The following LRRC9 variants were observed in gnomAD, a reference collection of about 807,000 sequenced individuals.
The protein encoded by LRRC9 is leucine rich repeat containing 9.
A neutral mutation model predicts 63.2 loss-of-function variants in LRRC9; 122 were observed. That is an observed-to-expected ratio of 1.93 (90% CI 1.67 to 2.24). The LOEUF is 2.24. Ranked by LOEUF, LRRC9 falls within the 30% of genes most tolerant of loss-of-function variation. The pLI is 0.00. For missense variants in LRRC9, 1,071 were observed against 627.7 expected, an observed-to-expected ratio of 1.71 and a Z score of -7.55; for synonymous variants, 366 against 213.1, an observed-to-expected ratio of 1.72 and a Z score of -6.25.
At chr14:60,039,773 CTCTTA>C (rs1309012004) in intron 29 of LRRC9, among the ~76,000 whole-genome samples, 2 of 152,136 alleles carry the variant, frequency 1.3e-5, no homozygotes, top group Non-Finnish European at 2.9e-5. Flanking sequence ...TTCATTTCTG[CTCTTA>C]TCTTAGTTAT....
At chr14:59,979,051 C>G (rs1886624597) in intron 15 of LRRC9, among the ~76,000 whole-genome samples, 1 of 152,092 alleles carries the variant, frequency 6.6e-6, no homozygotes, top group Non-Finnish European at 1.5e-5. Context: ...TGACCATTTT[C>G]TATTAAACTC....
chr14:59,934,553 T>A (rs566026669), intron 6 of LRRC9, among the ~76,000 whole-genome samples: 2 of 152,252 alleles, frequency 1.3e-5, no homozygotes, highest in South Asian at 4.1e-4. Flanking sequence ...AGGGATCAGA[T>A]TAAACATGTG....
chr14:59,965,946 G>A (rs1884816693), intron 10 of LRRC9, among the ~76,000 whole-genome samples: 1 of 134,990 alleles, frequency 7.4e-6, no homozygotes, highest in African/African-American at 2.8e-5. Context: ...GAAAGGAGAG[G>A]ATTATTCCTA....
At chr14:60,005,107 A>T (rs1424514982) in intron 21 of LRRC9, among the ~76,000 whole-genome samples, 4 of 152,130 alleles carry the variant, frequency 2.6e-5, no homozygotes, top group East Asian at 1.9e-4. Context: ...TATATATATA[A>T]AAGCAAGTAT....
chr14:59,959,508 G>T (rs1305300786), intron 8 of LRRC9, among the ~76,000 whole-genome samples: 2 of 152,050 alleles, frequency 1.3e-5, no homozygotes, highest in Non-Finnish European at 2.9e-5. Context: ...TTTAATAGAG[G>T]CGAACTTATT....
chr14:60,023,502 G>A (rs1891277187), intron 27 of LRRC9, among the ~76,000 whole-genome samples: 1 of 150,752 alleles, frequency 6.6e-6, no homozygotes, highest in South Asian at 2.1e-4. Flanking sequence ...GACTTGAAAA[G>A]GGAACAACCT....
intron 31 of LRRC9, chr14:60,059,048 A>T (rs2081212321): frequency 6.6e-6 from 1 of 152,098 alleles, no homozygotes; most frequent in African/African-American, 2.4e-5. Flanking sequence ...ATCTTTTTAT[A>T]TTTTTTTATT....
chr14:59,998,314 C>T (rs1889011449), intron 18 of LRRC9, among the ~76,000 whole-genome samples: 1 of 152,002 alleles, frequency 6.6e-6, no homozygotes, highest in South Asian at 2.1e-4. Context: ...GCATTATTCA[C>T]TACTTGTTTT....
chr14:59,971,476 G>A (rs1244010691), intron 12 of LRRC9, among the ~76,000 whole-genome samples: 1 of 152,128 alleles, frequency 6.6e-6, no homozygotes, highest in Non-Finnish European at 1.5e-5. Context: ...GAATGTCACT[G>A]TTAGTTTGAT....
rs747908247 is a variant in LRRC9 at position 60,027,967 on chromosome 14, T to C, written c.3787T>C (p.Phe1263Leu). The C allele has an allele frequency of 5.7e-6, 4 of 701,906 alleles. No individual in the cohort carries two copies. The highest frequency in any genetic ancestry group is 2.3e-4 in the Middle Eastern group (1 of 4,350). The allele number at this position is 701,906 out of a possible 1,614,324, so 43.5% of individuals were successfully genotyped here. ...AGTGGACCATAACCGCATCCGATCA[T>C]TTAATGACAGTGCTTTTGCCAAACC... is the stretch of plus-strand genomic sequence containing the variant. Residue 1263 changes from phenylalanine (F) to leucine (L), a missense_variant, in exon 28 of 32, where the codon TTT (phenylalanine) becomes CTT (leucine). Physicochemically the swap from Phe to Leu is conservative, Grantham distance 22 (BLOSUM62 0). Transcript: ENST00000445360. This position sits in a 1 kb window ranked among gnomAD's most constrained non-coding sequence, Gnocchi z 4.0.
At position 60,042,738 on chromosome 14, in the gene LRRC9, G is replaced by A. The variant is rs148167241; in HGVS notation, c.3991-10327G>A. Among the ~76,000 whole-genome samples the A allele has an allele frequency of 9.9e-5, 15 of 152,112 alleles. No individual in the cohort carries two copies. The East Asian group carries it at 1.9e-3, about 20-fold the overall frequency. ...CCTGTCCTGCTTTGGCTCATGCTCC[G>A]TGGGCTGCACCTATTGTCCGACAAG... is the stretch of plus-strand genomic sequence containing the variant. On this transcript the variant is annotated intron_variant, in intron 29 of 31. Coordinates refer to ENST00000445360, the Ensembl canonical transcript of LRRC9. The surrounding 1 kb of genome is among the most constrained non-coding windows in gnomAD (Gnocchi z 4.2).
rs561308614 is a variant in LRRC9 at position 60,017,028 on chromosome 14, G to A, written c.3317+238G>A. Among the ~76,000 whole-genome samples the A allele has an allele frequency of 3.3e-5, 5 of 151,892 alleles. No individual in the cohort carries two copies. The highest frequency in any genetic ancestry group is 2.1e-4 in the South Asian group (1 of 4,812). On this transcript the variant is annotated intron_variant, in intron 24 of 31. Transcript: ENST00000445360. The surrounding 1 kb of genome is among the most constrained non-coding windows in gnomAD (Gnocchi z 4.0). ...CAATCGATCCTCCGACTATAGGCAC[G>A]CACCACCAAGCATGGCTAATTTTCT...
rs540381626 is a variant in LRRC9 at position 59,922,083 on chromosome 14, CA to C, written c.-34+2210del. 1.8e-3 allele frequency among the ~76,000 whole-genome samples: 237 copies of C among 133,742 alleles called. No individual in the cohort carries two copies. Among genetic ancestry groups the C allele is most frequent in the Non-Finnish European group, 2.3e-3 (144 of 62,276 alleles). 87.7% of individuals were successfully genotyped at this position (133,742 alleles called of 152,430 possible). On this transcript the variant is annotated intron_variant, in intron 1 of 31. Transcript: ENST00000445360. This position sits in a 1 kb window ranked among gnomAD's most constrained non-coding sequence, Gnocchi z 5.3. ...TGGGCAGCAAAGTGAGATTCTGTCTCAAAAAAAAAATAAATAAATAAATAAG... is the reference window on the plus strand; with the variant it reads ...TGGGCAGCAAAGTGAGATTCTGTCTCAAAAAAAAATAAATAAATAAATAAG...
chr14:60,009,100 C>A (rs1192447522), intron 23 of LRRC9, among the ~76,000 whole-genome samples: 1 of 152,216 alleles, frequency 6.6e-6, no homozygotes, highest in African/African-American at 2.4e-5. Context: ...AGGATCTTAT[C>A]TGTCCTATCT....
chr14:60,032,150 G>A (rs1211122313), intron 29 of LRRC9, 87 bp downstream of exon 29: 2 of 618,774 alleles, frequency 3.2e-6, no homozygotes, highest in Middle Eastern at 8.1e-4. Flanking sequence ...AAGGGATTTA[G>A]TTTTATGCTT....
chr14:60,053,838 CTAAATT>C lies in LRRC9; in HGVS notation c.4131+637_4131+642del, dbSNP rs779388172. On this transcript the variant is annotated intron_variant, in intron 30 of 31. Transcript: ENST00000445360. This position sits in a 1 kb window ranked among gnomAD's most constrained non-coding sequence, Gnocchi z 4.8. ...TTTCTTCATGACCATCTTCTAAAGA[CTAAATT>C]TAACACAGAAAATCTATGGTTTTTG... 1 of 430,588 alleles carries C rather than the reference CTAAATT, an allele frequency of 2.3e-6. No individual in the cohort carries two copies. Among genetic ancestry groups the C allele is most frequent in the Non-Finnish European group, 4.5e-6 (1 of 219,796 alleles). The allele number at this position is 430,588 out of a possible 1,614,324, so 26.7% of individuals were successfully genotyped here. A position where few individuals can be genotyped will look rare whatever the true frequency, so the allele number is the denominator to read the frequency against.
Position 59,944,705 on chromosome 14 carries a change from AG to A in LRRC9, c.844del (p.Glu282LysfsTer4), listed in dbSNP as rs1442689699. The A allele has an allele frequency of 3.0e-6, 2 of 675,302 alleles. No homozygotes were observed. Among genetic ancestry groups the A allele is most frequent in the Admixed American group, 4.5e-5 (2 of 44,246 alleles). 41.8% of individuals were successfully genotyped at this position (675,302 alleles called of 1,614,324 possible). A position where few individuals can be genotyped will look rare whatever the true frequency, so the allele number is the denominator to read the frequency against. ...AAAAATGCAAATTACAAAAGTTGCC[AG>A]AAGAACGAGTAAAATTATTCAGCTT... On this transcript the variant is annotated frameshift_variant, in exon 8 of 32. Coordinates refer to ENST00000445360, the Ensembl canonical transcript of LRRC9. LOFTEE classifies it high-confidence loss of function.
intron 23 of LRRC9, among the ~76,000 whole-genome samples, chr14:60,013,126 A>T (rs1890391118): frequency 8.0e-6 from 1 of 124,526 alleles, no homozygotes; most frequent in African/African-American, 3.0e-5. Flanking sequence ...AAGGCTTAAT[A>T]TGTTTTTAAA....
rs563899141 is a variant in LRRC9, at chr14:60,027,874, C to T, written c.3704-10C>T. ...GCTCACTTGATATATCATGACTTAT[C>T]TCTTTTTAGGTAATGAAATCAGCCA... On this transcript the variant is annotated splice_polypyrimidine_tract_variant and intron_variant, in intron 27 of 31. Transcript: ENST00000445360. This position sits in a 1 kb window ranked among gnomAD's most constrained non-coding sequence, Gnocchi z 4.0. The T allele has an allele frequency of 2.5e-3, 1,711 of 690,856 alleles. 7 individuals carry two copies. The highest frequency in any genetic ancestry group is 3.8e-3 in the Non-Finnish European group (1,438 of 379,432). The allele number at this position is 690,856 out of a possible 1,614,324, so 42.8% of individuals were successfully genotyped here.
Sources: gnomAD v4.1 joint callset for allele counts (sites outside exome capture counted in the v4.1 genomes callset) on GRCh38, gnomAD v4.1.1 for gene constraint, Gnocchi (gnomAD v3.1) non-coding constraint, MANE v1.5 for transcripts, NCBI Gene and HGNC (gene_info 2026-07-23, HGNC 2026-07-21) for gene names.